Variants in IMMP2L observed in about 807,000 individuals in gnomAD.
The protein encoded by IMMP2L is inner mitochondrial membrane peptidase subunit 2.
A neutral mutation model predicts 19.3 loss-of-function variants in IMMP2L; 18 were observed. The ratio of observed to expected loss-of-function variants is 0.93; its 90% CI spans 0.64 to 1.38. The LOEUF (loss-of-function observed/expected upper bound fraction) is 1.38, where lower values mean the gene tolerates loss of function less well. Among genes scored for constraint, IMMP2L ranks in the 40% most tolerant of loss-of-function variants. The pLI is 0.00. For missense variants in IMMP2L, 233 were observed against 218.2 expected, an observed-to-expected ratio of 1.07 and a Z score of -0.43; for synonymous variants, 76 against 73.0, an observed-to-expected ratio of 1.04 and a Z score of -0.21.
rs115314761 is a variant in IMMP2L, at chr7:110,894,219, A to G, written c.306-7524T>C. Among the ~76,000 whole-genome samples the G allele has an allele frequency of 4.9e-3, 750 of 152,296 alleles. 10 individuals are homozygous for G. The highest frequency in any genetic ancestry group is 0.017 in the African/African-American group (726 of 41,552). ...AGTGGTACCCTCAAGGCAGGAGCCT[A>G]TAATACCTCCCCTCAGCTACCTCAG... On this transcript the variant is annotated intron_variant, in intron 4 of 5. Coordinates refer to ENST00000405709, the MANE Select transcript of IMMP2L (RefSeq NM_032549.4).
intron 3 of IMMP2L, among the ~76,000 whole-genome samples, chr7:111,110,712 G>A (rs1563253153): frequency 6.6e-6 from 1 of 152,110 alleles, no homozygotes; most frequent in African/African-American, 2.4e-5. Context: ...ATTCTTGACT[G>A]AGCAATGTGA....
chr7:110,913,476 A>G (rs1184197143), intron 4 of IMMP2L, among the ~76,000 whole-genome samples: 1 of 152,194 alleles, frequency 6.6e-6, no homozygotes, highest in African/African-American at 2.4e-5. Context: ...AAAGAAAAAA[A>G]GAAAAAATCT....
chr7:111,098,972 T>C (rs979434734), intron 3 of IMMP2L, among the ~76,000 whole-genome samples: 1 of 151,772 alleles, frequency 6.6e-6, no homozygotes, highest in African/African-American at 2.4e-5. Context: ...ATTATACCTT[T>C]GTAGGATTCT....
intron 5 of IMMP2L, among the ~76,000 whole-genome samples, chr7:110,749,890 G>C (rs922992444): frequency 1.3e-5 from 2 of 151,990 alleles, no homozygotes; most frequent in Non-Finnish European, 2.9e-5. Flanking sequence ...AGAACTTAAA[G>C]TATAATAATA....
At chr7:110,678,774 C>G (rs1003325027) in intron 5 of IMMP2L, among the ~76,000 whole-genome samples, 2 of 152,110 alleles carry the variant, frequency 1.3e-5, no homozygotes, top group Non-Finnish European at 2.9e-5. Flanking sequence ...AGATCTTCAC[C>G]CATGATATCC....
intron 3 of IMMP2L, among the ~76,000 whole-genome samples, chr7:111,011,640 G>C (rs1409735070): frequency 1.3e-5 from 2 of 152,132 alleles, no homozygotes; most frequent in Non-Finnish European, 2.9e-5. Flanking sequence ...TTGCAGCTTT[G>C]CTACTGGGCA....
chr7:110,804,056 A>T (rs1707101640), intron 5 of IMMP2L, among the ~76,000 whole-genome samples: 1 of 152,068 alleles, frequency 6.6e-6, no homozygotes, highest in Admixed American at 6.6e-5. Flanking sequence ...TTGTTTGCCA[A>T]TACTCTACAT....
intron 4 of IMMP2L, among the ~76,000 whole-genome samples, chr7:110,922,562 A>G (rs761939473): frequency 2.7e-4 from 41 of 152,194 alleles, no homozygotes; most frequent in Non-Finnish European, 5.3e-4. Flanking sequence ...ACGGATTTTA[A>G]AAATTAAGTG....
At chr7:110,665,550 T>A (rs546387835) in intron 5 of IMMP2L, among the ~76,000 whole-genome samples, 63 of 152,338 alleles carry the variant, frequency 4.1e-4, no homozygotes, top group African/African-American at 1.4e-3. Flanking sequence ...AAGAGTCACA[T>A]ATTGCATTTG....
chr7:110,719,129 G>C (rs766879849), intron 5 of IMMP2L, among the ~76,000 whole-genome samples: 2 of 152,204 alleles, frequency 1.3e-5, no homozygotes, highest in Non-Finnish European at 2.9e-5. Flanking sequence ...GTTAAGGTGA[G>C]AGATTCAAAA....
At chr7:111,549,928 G>A (rs186202777) in intron 1 of IMMP2L, among the ~76,000 whole-genome samples, 33 of 144,712 alleles carry the variant, frequency 2.3e-4, no homozygotes, top group African/African-American at 8.4e-4. Flanking sequence ...ATGACAGAGC[G>A]AGACTCCGTG....
chr7:110,887,034 T>G (rs1810293697), intron 4 of IMMP2L, among the ~76,000 whole-genome samples: 1 of 152,130 alleles, frequency 6.6e-6, no homozygotes, highest in Non-Finnish European at 1.5e-5. Context: ...CTATTTGTTT[T>G]TTTAACATTT....
chr7:111,328,847 A>G (rs559878600), intron 3 of IMMP2L, among the ~76,000 whole-genome samples: 2 of 152,002 alleles, frequency 1.3e-5, no homozygotes, highest in African/African-American at 4.8e-5. Flanking sequence ...TCAGATAAAA[A>G]GACAGCAGTC....
At chr7:111,035,063 G>T (rs1791201325) in intron 3 of IMMP2L, among the ~76,000 whole-genome samples, 1 of 152,056 alleles carries the variant, frequency 6.6e-6, no homozygotes, top group Admixed American at 6.5e-5. Context: ...GATGTTAAAA[G>T]AAAACAGAAT....
At chr7:111,500,845 A>C (rs1014005601) in intron 2 of IMMP2L, among the ~76,000 whole-genome samples, 1 of 152,160 alleles carries the variant, frequency 6.6e-6, no homozygotes, top group Non-Finnish European at 1.5e-5. Context: ...TCAAAGACCA[A>C]AAGTAGATAA....
At position 111,121,719 on chromosome 7, in the gene IMMP2L, C is replaced by T. The variant is rs1411413203; in HGVS notation, c.240-158154G>A. ...TAGAAATACCATTTGACCCAGCCAACCCATTACTGGGTATATACCCAAAGG... is the reference window on the plus strand; with the variant it reads ...TAGAAATACCATTTGACCCAGCCAATCCATTACTGGGTATATACCCAAAGG... On this transcript the variant is annotated intron_variant, in intron 3 of 5. Coordinates refer to ENST00000405709, the MANE Select transcript of IMMP2L (RefSeq NM_032549.4). Among the ~76,000 whole-genome samples the T allele has an allele frequency of 4.6e-5, 7 of 152,234 alleles. No individual in the cohort carries two copies. The South Asian group carries it at 8.3e-4, about 18-fold the overall frequency.
intron 3 of IMMP2L, among the ~76,000 whole-genome samples, chr7:111,176,818 GCA>G (rs1807117080): frequency 6.6e-6 from 1 of 151,912 alleles, no homozygotes; most frequent in African/African-American, 2.4e-5. Context: ...AATAAATGGT[GCA>G]CAGTGTGGAC....
Position 111,361,999 on chromosome 7 carries a change from G to A in IMMP2L, c.239+125239C>T, listed in dbSNP as rs568797024. Among the ~76,000 whole-genome samples, 33 of 151,954 alleles carry A rather than the reference G, an allele frequency of 2.2e-4. 1 individual carries two copies. In the South Asian group the frequency reaches 6.2e-3, roughly 29 times the overall value. ...GTTGACATGTAAAAATTTTCATCAT[G>A]AATTTAAATGATTGCAAAGGCTATA... On this transcript the variant is annotated intron_variant, in intron 3 of 5. Transcript: ENST00000405709.
chr7:110,954,499 T>C (rs945160670), intron 4 of IMMP2L, among the ~76,000 whole-genome samples: 1 of 152,094 alleles, frequency 6.6e-6, no homozygotes, highest in Non-Finnish European at 1.5e-5. Context: ...AAACTATCAC[T>C]ATCTGATACT....
Sources: allele counts gnomAD v4.1 joint callset (sites outside exome capture counted in the v4.1 genomes callset), GRCh38; gene constraint gnomAD v4.1.1; transcripts MANE v1.5; gene names NCBI Gene and HGNC (gene_info 2026-07-23, HGNC 2026-07-21).